RBFOX1: variants seen among roughly 807,000 people sequenced by gnomAD.
The protein encoded by RBFOX1 is RNA binding fox-1 homolog 1.
RBFOX1 carries 8 observed loss-of-function variants against 57.7 expected under a neutral mutation model. That is an observed-to-expected ratio of 0.14 (90% CI 0.08 to 0.25). RBFOX1 has a LOEUF of 0.25. Ranked by LOEUF, RBFOX1 falls within the 10% of genes least tolerant of loss-of-function variation. The probability of loss-of-function intolerance (pLI) is 1.00; values close to 1 mark genes in which losing one functional copy is unlikely to be tolerated. For missense variants in RBFOX1, 611 were observed against 548.5 expected (o/e 1.11, Z -1.14); for synonymous variants, 326 against 222.4 (o/e 1.47, Z -4.15).
chr16:6,755,244 G>A (rs1455882775), intron 3 of RBFOX1, among the ~76,000 whole-genome samples: 31 of 152,156 alleles, frequency 2.0e-4, no homozygotes, highest in Admixed American at 2.0e-3. Flanking sequence ...TGGGTCAAAT[G>A]GTATTTCTAG....
chr16:6,364,334 C>G (rs1420453250), intron 2 of RBFOX1, among the ~76,000 whole-genome samples: 1 of 152,176 alleles, frequency 6.6e-6, no homozygotes. Context: ...TCCCTCTCTT[C>G]TTCCCTCATT....
At chr16:5,689,421 T>A (rs537594647) in intron 3 of RBFOX1, among the ~76,000 whole-genome samples, 2 of 152,130 alleles carry the variant, frequency 1.3e-5, no homozygotes, top group African/African-American at 4.8e-5. Flanking sequence ...AGTTGTAAAT[T>A]TGGTGATGAG....
Position 6,693,551 on chromosome 16 carries a change from C to A in RBFOX1, c.-16+38901C>A, listed in dbSNP as rs12921852. On this transcript the variant is annotated intron_variant, in intron 3 of 15. Transcript: ENST00000550418. The stretch of plus-strand genomic sequence containing the variant: ...CCACCATCATTAGCAACATCATCTT[C>A]CTCCACTGCCATCACCACCATCATC... Among the ~76,000 whole-genome samples the A allele has an allele frequency of 2.0e-5, 3 of 151,886 alleles. No homozygotes were observed. The South Asian group carries it at 6.2e-4, about 32-fold the overall frequency.
chr16:6,766,300 T>G (rs2077320448), intron 3 of RBFOX1, among the ~76,000 whole-genome samples: 2 of 152,122 alleles, frequency 1.3e-5, no homozygotes, highest in Admixed American at 1.3e-4. Context: ...GTAAAGAATT[T>G]TTCCTTTTTT....
chr16:6,994,433 A>C (rs1034118428), intron 3 of RBFOX1, among the ~76,000 whole-genome samples: 1 of 152,078 alleles, frequency 6.6e-6, no homozygotes, highest in Non-Finnish European at 1.5e-5. Flanking sequence ...AATTGTAAAA[A>C]CCACCCCCAG....
In RBFOX1 at chr16:7,563,355, C is replaced by G. The variant is rs565915559; in HGVS notation, c.271-16422C>G. Among the ~76,000 whole-genome samples the G allele has an allele frequency of 1.3e-5, 2 of 152,296 alleles. 1 individual carries two copies. The highest frequency in any genetic ancestry group is 4.8e-5 in the African/African-American group (2 of 41,582). The stretch of plus-strand genomic sequence containing the variant: ...TGAGACAGAGAGGTTAAGTAACCTG[C>G]TGCAGTTCACACAGATAGGAAGCAG... On this transcript the variant is annotated intron_variant, in intron 5 of 15. Coordinates refer to ENST00000550418, the MANE Select transcript of RBFOX1 (RefSeq NM_018723.4).
intron 10 of RBFOX1, among the ~76,000 whole-genome samples, chr16:7,617,123 AT>A (rs1394506209): frequency 2.0e-5 from 3 of 152,230 alleles, no homozygotes; most frequent in Non-Finnish European, 4.4e-5. Flanking sequence ...AAATTTAGTT[AT>A]GAAAGAGAAA....
chr16:5,713,661 G>C (rs915811347), intron 3 of RBFOX1, among the ~76,000 whole-genome samples: 1 of 152,190 alleles, frequency 6.6e-6, no homozygotes, highest in Non-Finnish European at 1.5e-5. Context: ...CCACACAGCA[G>C]GTTATGATTT....
At chr16:7,496,686 A>G in intron 4 of RBFOX1, among the ~76,000 whole-genome samples, 1 of 81,764 alleles carries the variant, frequency 1.2e-5, no homozygotes, top group Non-Finnish European at 2.7e-5. Flanking sequence ...AAACCTTAAC[A>G]AAGACTTTTT....
chr16:5,391,335 A>G (rs1364258765), intron 1 of RBFOX1, among the ~76,000 whole-genome samples: 1 of 123,534 alleles, frequency 8.1e-6, no homozygotes, highest in African/African-American at 3.1e-5. Context: ...TAGAGGCTTT[A>G]GGGGAGAATC....
chr16:7,159,506 A>G (rs1428550884), intron 4 of RBFOX1, among the ~76,000 whole-genome samples: 1 of 152,206 alleles, frequency 6.6e-6, no homozygotes, highest in Non-Finnish European at 1.5e-5. Context: ...TAGGCTGGAA[A>G]TCACGCTCCA....
At chr16:6,152,564 T>C (rs1182816869) in intron 1 of RBFOX1, among the ~76,000 whole-genome samples, 1 of 152,180 alleles carries the variant, frequency 6.6e-6, no homozygotes, top group African/African-American at 2.4e-5. Flanking sequence ...GTAGTCCAGA[T>C]AAGTTAGTGG....
chr16:7,003,844 G>T (rs2093055344), intron 3 of RBFOX1, among the ~76,000 whole-genome samples: 2 of 152,158 alleles, frequency 1.3e-5, no homozygotes, highest in South Asian at 4.1e-4. Context: ...AAATTGCAAA[G>T]ACTCACTAAT....
At chr16:5,530,933 T>TAAAAAAAAAAAAAAAAA (rs59311923) in intron 2 of RBFOX1, among the ~76,000 whole-genome samples, 5 of 55,048 alleles carry the variant, frequency 9.1e-5, no homozygotes, top group African/African-American at 1.5e-4. Flanking sequence ...ACTAAAAATA[T>TAAAAAAAAAAAAAAAAA]AAAAAAAAAA....
At chr16:7,035,563 T>A (rs2044161670) in intron 3 of RBFOX1, among the ~76,000 whole-genome samples, 1 of 152,198 alleles carries the variant, frequency 6.6e-6, no homozygotes, top group Non-Finnish European at 1.5e-5. Context: ...GTGAAAATAT[T>A]TTCTTTCTGA....
chr16:5,729,681 G>A (rs1453848273), intron 3 of RBFOX1, among the ~76,000 whole-genome samples: 3 of 152,072 alleles, frequency 2.0e-5, no homozygotes, highest in Non-Finnish European at 2.9e-5. Context: ...ACTCCACTCA[G>A]GTATTTGGGT....
At chr16:5,602,697 A>G (rs937177531), downstream of RBFOX1, among the ~76,000 whole-genome samples, 1 of 152,018 alleles carries the variant, frequency 6.6e-6, no homozygotes, top group Non-Finnish European at 1.5e-5. Context: ...TTTTTTTTCT[A>G]TAGTGAGCAG....
At chr16:5,499,991 C>G (rs1278606958) in intron 2 of RBFOX1, among the ~76,000 whole-genome samples, 3 of 152,278 alleles carry the variant, frequency 2.0e-5, no homozygotes, top group Non-Finnish European at 2.9e-5. Flanking sequence ...CACTCTTTCT[C>G]TCTTCCTTTC....
At chr16:7,260,985 G>A (rs769746059) in intron 4 of RBFOX1, among the ~76,000 whole-genome samples, 5 of 152,138 alleles carry the variant, frequency 3.3e-5, no homozygotes, top group Non-Finnish European at 5.9e-5. Context: ...CATGGCAAAA[G>A]ATTTGAGTCA....
Sources: gnomAD v4.1 joint callset for allele counts (sites outside exome capture counted in the v4.1 genomes callset) on GRCh38, gnomAD v4.1.1 for gene constraint, MANE v1.5 for transcripts, NCBI Gene and HGNC (gene_info 2026-07-23, HGNC 2026-07-21) for gene names.